Variants in THSD7B observed in about 807,000 individuals in gnomAD.
THSD7B encodes the protein thrombospondin type-1 domain-containing protein 7B.
THSD7B carries 138 observed loss-of-function variants against 213.6 expected under a neutral mutation model. That is an observed-to-expected ratio of 0.65 (90% CI 0.56 to 0.74). The LOEUF is 0.74. Ranked by LOEUF, THSD7B falls within the 30% of genes least tolerant of loss-of-function variation. The probability of loss-of-function intolerance (pLI) is 0.00; values close to 1 mark genes in which losing one functional copy is unlikely to be tolerated. For missense variants in THSD7B, 1,931 were observed against 1,991.5 expected (o/e 0.97, Z 0.58); for synonymous variants, 742 against 687.0 (o/e 1.08, Z -1.25).
At chr2:137,050,871 A>G (rs1218197796) in intron 2 of THSD7B, among the ~76,000 whole-genome samples, 2 of 152,052 alleles carry the variant, frequency 1.3e-5, no homozygotes, top group Non-Finnish European at 2.9e-5. Flanking sequence ...ATGTTTGTGT[A>G]TTTTCTTTAT....
At chr2:137,004,011 C>A (rs1413452242) in intron 2 of THSD7B, among the ~76,000 whole-genome samples, 1 of 152,152 alleles carries the variant, frequency 6.6e-6, no homozygotes, top group Non-Finnish European at 1.5e-5. Context: ...CCTTCACCCT[C>A]CCCTGTTGCT....
Position 137,401,778 on chromosome 2 carries a change from G to C in THSD7B, c.2501-3835G>C, listed in dbSNP as rs1290596609. 2.0e-5 allele frequency among the ~76,000 whole-genome samples: 3 copies of C among 151,830 alleles called. No homozygotes were observed. In the East Asian group the frequency reaches 5.8e-4, roughly 29 times the overall value. ...CTTTGCGTGCATTTGTTGGCATTTA[G>C]AAAACCCAAATGCCTCCATTAAACT... is the stretch of plus-strand genomic sequence containing the variant. On this transcript the variant is annotated intron_variant, in intron 12 of 27. Transcript: ENST00000409968.
chr2:137,193,551 A>G (rs1431834066), intron 7 of THSD7B, among the ~76,000 whole-genome samples: 1 of 152,068 alleles, frequency 6.6e-6, no homozygotes, highest in Non-Finnish European at 1.5e-5. Flanking sequence ...CATCTGATTG[A>G]CAAGAAAGCT....
chr2:137,534,840 A>G (rs954261715), intron 15 of THSD7B, among the ~76,000 whole-genome samples: 1 of 151,826 alleles, frequency 6.6e-6, no homozygotes, highest in African/African-American at 2.4e-5. Flanking sequence ...AGGTGATTCC[A>G]TATTAAACTA....
chr2:137,144,802 G>A (rs1004133085), intron 5 of THSD7B, among the ~76,000 whole-genome samples: 7 of 151,934 alleles, frequency 4.6e-5, no homozygotes, highest in Admixed American at 1.3e-4. Context: ...GTATTGGAGG[G>A]ATTGGGATAT....
intron 16 of THSD7B, among the ~76,000 whole-genome samples, chr2:137,567,133 CTATTTTATTTTATTTTATTTTATTT>C (rs375165713): frequency 3.6e-5 from 5 of 137,590 alleles, no homozygotes; most frequent in African/African-American, 1.3e-4. Context: ...GTGACATGCT[CTATTTTATTTTATTTTATTTTATTT>C]TATTTTATTT....
Position 137,292,225 on chromosome 2 carries a change from C to T in THSD7B, c.2500+16199C>T, listed in dbSNP as rs181028412. On this transcript the variant is annotated intron_variant, in intron 12 of 27. Transcript: ENST00000409968. ...TTGTGCTTATTGCTAATAACATAAG[C>T]TAATTGGTTTAACTGTATGTATAGA... 4.1e-4 allele frequency among the ~76,000 whole-genome samples: 62 copies of T among 152,250 alleles called. 1 individual carries two copies. The East Asian group carries it at 9.4e-3, about 23-fold the overall frequency.
chr2:137,400,171 C>G (rs149437556), intron 12 of THSD7B, among the ~76,000 whole-genome samples: 343 of 152,160 alleles, frequency 2.3e-3, no homozygotes, highest in Non-Finnish European at 3.3e-3. Context: ...TTTTGCATCT[C>G]TTGCATTGGG....
chr2:136,950,264 T>G (rs1211358443), intron 2 of THSD7B, among the ~76,000 whole-genome samples: 2 of 130,226 alleles, frequency 1.5e-5, no homozygotes, highest in East Asian at 5.1e-4. Context: ...AAGAAAAAAA[T>G]AAAAATAAAA....
intron 12 of THSD7B, among the ~76,000 whole-genome samples, chr2:137,360,788 T>A (rs560705947): frequency 6.6e-6 from 1 of 152,304 alleles, no homozygotes; most frequent in South Asian, 2.1e-4. Context: ...AGGGCATAGC[T>A]GAACAAAAGG....
chr2:137,420,091 T>TA (rs1686890873), intron 14 of THSD7B, among the ~76,000 whole-genome samples: 1 of 152,118 alleles, frequency 6.6e-6, no homozygotes, highest in African/African-American at 2.4e-5. Flanking sequence ...CCTTTCTCCA[T>TA]ATCCTCAGCA....
intron 12 of THSD7B, among the ~76,000 whole-genome samples, chr2:137,290,656 G>A (rs1683311874): frequency 6.6e-6 from 1 of 152,084 alleles, no homozygotes; most frequent in South Asian, 2.1e-4. Flanking sequence ...CTCCCTGTCA[G>A]CACCAGACTT....
At chr2:136,809,128 TA>T (rs1333621536) in intron 1 of THSD7B, among the ~76,000 whole-genome samples, 1 of 152,208 alleles carries the variant, frequency 6.6e-6, no homozygotes, top group African/African-American at 2.4e-5. Context: ...TAATATAATG[TA>T]ATGAACTTTA....
chr2:136,813,333 G>A (rs890974700), intron 1 of THSD7B, among the ~76,000 whole-genome samples: 16 of 151,934 alleles, frequency 1.1e-4, no homozygotes, highest in African/African-American at 2.9e-4. Context: ...ACTGCTGTGC[G>A]TTTAAACCCT....
intron 2 of THSD7B, among the ~76,000 whole-genome samples, chr2:136,890,359 TTC>T (rs1426416857): frequency 0.017 from 94 of 5,442 alleles, 17 homozygotes; most frequent in African/African-American, 0.051. Context: ...CTTCTTCTTC[TTC>T]TTCTTCTTCT....
chr2:137,115,092 T>C, intron 4 of THSD7B, 32 bp from the exon 5 acceptor site: 1 of 1,613,364 alleles, frequency 6.2e-7, no homozygotes, highest in Middle Eastern at 1.7e-4. Flanking sequence ...TCTTACTTCT[T>C]CTTCTTCTTT....
At chr2:136,837,032 A>T (rs1406202834) in intron 1 of THSD7B, among the ~76,000 whole-genome samples, 2 of 152,174 alleles carry the variant, frequency 1.3e-5, no homozygotes, top group Admixed American at 1.3e-4. Context: ...ATATCTCCAG[A>T]TTAATCCCAG....
intron 1 of THSD7B, among the ~76,000 whole-genome samples, chr2:136,768,341 C>T (rs1000472509): frequency 1.3e-5 from 2 of 152,182 alleles, no homozygotes; most frequent in African/African-American, 2.4e-5. Context: ...TAAAGCATGT[C>T]AACTCACTTT....
At chr2:137,039,420 A>AG (rs1686838136) in intron 2 of THSD7B, among the ~76,000 whole-genome samples, 2 of 152,084 alleles carry the variant, frequency 1.3e-5, no homozygotes, top group South Asian at 2.1e-4. Context: ...ATAAGCGGAG[A>AG]GGGGGTTGGT....
Sources: gnomAD v4.1 joint callset for allele counts (sites outside exome capture counted in the v4.1 genomes callset) on GRCh38, gnomAD v4.1.1 for gene constraint, MANE v1.5 for transcripts, NCBI Gene and HGNC (gene_info 2026-07-23, HGNC 2026-07-21) for gene names.